ACACB: variants seen among roughly 807,000 people sequenced by gnomAD.
ACACB encodes acetyl-CoA carboxylase beta, also known as acetyl-CoA carboxylase 2.
ACACB carries 209 observed loss-of-function variants against 278.8 expected under a neutral mutation model. That is an observed-to-expected ratio of 0.75 (90% CI 0.67 to 0.84). The LOEUF is 0.84. Among genes scored for constraint, ACACB ranks in the 40% least tolerant of loss-of-function variants. ACACB has a pLI of 0.00. For synonymous variants in ACACB, 1,174 were observed against 1,285.6 expected (o/e 0.91, Z 1.86); for missense variants, 2,850 against 3,269.0 (o/e 0.87, Z 3.13).
In ACACB at chr12:109,250,544, G is replaced by A. The variant is rs565982872; in HGVS notation, c.5790+440G>A. On this transcript the variant is annotated intron_variant, in intron 41 of 52. Transcript: ENST00000338432. ...TTTTCAAGGTACTGAATGTTTAGAA[G>A]AACTTTTCTCTGACTTTAACTGGCA... Among the ~76,000 whole-genome samples, 3 of 152,282 alleles carry A rather than the reference G, an allele frequency of 2.0e-5. No individual in the cohort carries two copies. In the South Asian group the frequency reaches 6.2e-4, roughly 32 times the overall value.
chr12:109,148,255 A>G (rs1451444278), intron 2 of ACACB, among the ~76,000 whole-genome samples: 1 of 152,216 alleles, frequency 6.6e-6, no homozygotes, highest in Non-Finnish European at 1.5e-5. Context: ...CACTGCTTAC[A>G]TGCTCTGAAA....
At chr12:109,180,137 G>T in intron 11 of ACACB, 50 bp downstream of exon 11, 1 of 1,579,488 alleles carries the variant, frequency 6.3e-7, no homozygotes, top group Non-Finnish European at 8.7e-7. Context: ...TGGGTCAGGG[G>T]TCCATGTGCT....
intron 49 of ACACB, among the ~76,000 whole-genome samples, chr12:109,262,798 G>A (rs1008174815): frequency 6.6e-6 from 1 of 151,256 alleles, no homozygotes; most frequent in Admixed American, 6.6e-5. Flanking sequence ...TTGTATTTTT[G>A]TAGATGTGGG....
At chr12:109,177,031 A>G (rs985713158) in intron 9 of ACACB, among the ~76,000 whole-genome samples, 5 of 152,220 alleles carry the variant, frequency 3.3e-5, no homozygotes, top group Non-Finnish European at 5.9e-5. Context: ...TATACTGACA[A>G]TCTTCCCATT....
chr12:109,245,629 C>G lies in ACACB; in HGVS notation c.5182C>G (p.Leu1728Val), dbSNP rs151146449. ...YDFPEMFRQA[L>V]FKLWGSPDKY... ...CTCTTTCCTCTTCTCTCCCCAGGCTCTCTTTAAACTGTGGGGCTCCCCAGA... is the reference window on the plus strand; with the variant it reads ...CTCTTTCCTCTTCTCTCCCCAGGCTGTCTTTAAACTGTGGGGCTCCCCAGA... Residue 1728 changes from leucine (L) to valine (V), a missense_variant, in exon 38 of 53, where the codon CTC (leucine) becomes GTC (valine). Leu to Val is a conservative substitution (Grantham distance 32, BLOSUM62 1). This residue lies in a region of ACACB where 2,265 missense variants were observed against 2,561.3 expected (regional missense o/e 0.88). Transcript: ENST00000338432. The G allele has an allele frequency of 3.2e-5, 52 of 1,613,594 alleles. No homozygotes were observed. Among genetic ancestry groups the G allele is most frequent in the Non-Finnish European group, 4.2e-5 (50 of 1,179,878 alleles).
intron 37 of ACACB, among the ~76,000 whole-genome samples, chr12:109,245,349 C>T (rs2046911130): frequency 6.6e-6 from 1 of 152,004 alleles, no homozygotes; most frequent in African/African-American, 2.4e-5. Flanking sequence ...GAATGGTCAC[C>T]TGTGGGTTGG....
chr12:109,205,688 A>C (rs1332733761), intron 19 of ACACB, among the ~76,000 whole-genome samples: 1 of 152,010 alleles, frequency 6.6e-6, no homozygotes, highest in Non-Finnish European at 1.5e-5. Context: ...TCTTGACCTC[A>C]GTTCATCCTC....
rs543204498 is a variant in ACACB at position 109,169,438 on chromosome 12, G to C, written c.925+1404G>C. Among the ~76,000 whole-genome samples, 7 of 152,302 alleles carry C rather than the reference G, an allele frequency of 4.6e-5. No individual in the cohort carries two copies. The East Asian group carries it at 1.4e-3, about 29-fold the overall frequency. ...GGATGGGAACCCTGGTCTGGGTTCA[G>C]AGCATCATCCAGTGGGTCCTCCCAT... On this transcript the variant is annotated intron_variant, in intron 4 of 52. Coordinates refer to ENST00000338432, the MANE Select transcript of ACACB (RefSeq NM_001093.4).
chr12:109,258,147 A>T, intron 45 of ACACB, 121 bp from the exon 46 acceptor site: 1 of 702,814 alleles, frequency 1.4e-6, no homozygotes, highest in Non-Finnish European at 2.3e-6. Context: ...CCTTCCAATA[A>T]AATAATCCGC....
chr12:109,222,537 T>C lies in ACACB; in HGVS notation c.3595T>C (p.Ser1199Pro). 3.7e-6 allele frequency: 6 copies of C among 1,614,162 alleles called. No homozygotes were observed. Among genetic ancestry groups the C allele is most frequent in the Non-Finnish European group, 5.1e-6 (6 of 1,180,016 alleles). Residue 1199 changes from serine to proline, a missense_variant, in exon 25 of 53, where the codon TCG becomes CCG. Around this residue, in one of 3 missense-constraint regions of ACACB, gnomAD observed 2,265 missense variants for 2,561.3 expected, o/e 0.88. Transcript: ENST00000338432. ...GCTGTGTGGCCCAGACCCTTCCCTGTCGGACGAGCTGATCTCCATCCTCAA... is the reference window on the plus strand; with the variant it reads ...GCTGTGTGGCCCAGACCCTTCCCTGCCGGACGAGCTGATCTCCATCCTCAA... The part of the protein sequence containing the change: ...DELCGPDPSL[S>P]DELISILNEL...
chr12:109,210,310 C>T lies in ACACB; in HGVS notation c.3249+957C>T, dbSNP rs1400694187. 1.0e-4 allele frequency among the ~76,000 whole-genome samples: 10 copies of T among 100,270 alleles called. 1 individual carries two copies. The highest frequency in any genetic ancestry group is 1.9e-4 in the Admixed American group (2 of 10,278). 65.8% of individuals were successfully genotyped at this position (100,270 alleles called of 152,430 possible). On this transcript the variant is annotated intron_variant, in intron 21 of 52. Coordinates refer to ENST00000338432, the MANE Select transcript of ACACB (RefSeq NM_001093.4). Reference sequence around the variant, plus strand: ...ATCTGTGTGTATATGTATATATACACACACATATCTGTGTATATATGTATA... The same window carrying T: ...ATCTGTGTGTATATGTATATATACATACACATATCTGTGTATATATGTATA...
intron 13 of ACACB, 32 bp downstream of exon 13, chr12:109,188,194 CT>C: frequency 8.7e-7 from 1 of 1,152,574 alleles, no homozygotes. Context: ...TCCTTCCTTC[CT>C]TCCTTCCTTC....
intron 2 of ACACB, among the ~76,000 whole-genome samples, chr12:109,165,020 G>A (rs2043852906): frequency 1.3e-5 from 2 of 152,128 alleles, no homozygotes; most frequent in Admixed American, 6.5e-5. Flanking sequence ...GGGTGATGGT[G>A]ATAAGGAAGC....
chr12:109,263,615 G>C (rs970270909), intron 49 of ACACB: 3 of 152,212 alleles, frequency 2.0e-5, no homozygotes, highest in African/African-American at 7.2e-5. Flanking sequence ...GAGTTGAAGT[G>C]TTCGCTCCTA....
At chr12:109,235,037 C>T (rs1464871510) in intron 31 of ACACB, among the ~76,000 whole-genome samples, 1 of 151,988 alleles carries the variant, frequency 6.6e-6, no homozygotes, top group African/African-American at 2.4e-5. Flanking sequence ...ATAGAAAAAC[C>T]CTGTACCTGT....
At chr12:109,179,047 G>C (rs1484616463) in intron 9 of ACACB, 41 bp from the exon 10 acceptor site, 1 of 1,584,954 alleles carries the variant, frequency 6.3e-7, no homozygotes, top group African/African-American at 1.3e-5. Context: ...TCCAGAGCTG[G>C]TTTCCCCATG....
At chr12:109,239,791 C>T (rs923929826) in intron 34 of ACACB, 39 bp from the exon 35 acceptor site, 1 of 1,572,632 alleles carries the variant, frequency 6.4e-7, no homozygotes. Context: ...TAGGCCTGCA[C>T]CCCTGGCCTG....
At chr12:109,196,565 G>T (rs187842363) in intron 16 of ACACB, among the ~76,000 whole-genome samples, 3 of 152,088 alleles carry the variant, frequency 2.0e-5, no homozygotes, top group Non-Finnish European at 4.4e-5. Flanking sequence ...CCTCCCAAAG[G>T]CTCCACCTCC....
Position 109,253,261 on chromosome 12 carries a change from C to T in ACACB, c.6045+103C>T. The T allele has an allele frequency of 5.6e-6, 7 of 1,257,340 alleles. No homozygotes were observed. In the South Asian group the frequency reaches 5.9e-5, roughly 11 times the overall value. The allele number at this position is 1,257,340 out of a possible 1,614,324, so 77.9% of individuals were successfully genotyped here. A position where few individuals can be genotyped will look rare whatever the true frequency, so the allele number is the denominator to read the frequency against. On this transcript the variant is annotated intron_variant, in intron 43 of 52. Coordinates refer to ENST00000338432, the MANE Select transcript of ACACB (RefSeq NM_001093.4). Reference sequence around the variant, plus strand: ...CTGGGTGGTGTGGGAGGCTGAGGAGCAGGAAGCACTGCACATGTGGCTGGG... The same window carrying T: ...CTGGGTGGTGTGGGAGGCTGAGGAGTAGGAAGCACTGCACATGTGGCTGGG...
Sources: gnomAD v4.1 joint callset for allele counts (sites outside exome capture counted in the v4.1 genomes callset) on GRCh38, gnomAD v4.1.1 for gene constraint, gnomAD v4.1.1 regional missense constraint, MANE v1.5 for transcripts, NCBI Gene and HGNC (gene_info 2026-07-23, HGNC 2026-07-21) for gene names.